Variants in SMG1 observed in about 807,000 individuals in gnomAD.
SMG1 encodes serine/threonine-protein kinase SMG1.
A neutral mutation model predicts 419.9 loss-of-function variants in SMG1; 22 were observed. The ratio of observed to expected loss-of-function variants is 0.05; its 90% CI spans 0.04 to 0.07. The LOEUF (loss-of-function observed/expected upper bound fraction) is 0.07. SMG1 is among the 10% of genes least tolerant of loss of function. The pLI is 1.00. For missense variants in SMG1, 3,185 were observed against 4,342.0 expected, an observed-to-expected ratio of 0.73 and a Z score of 7.49; for synonymous variants, 1,538 against 1,553.5, an observed-to-expected ratio of 0.99 and a Z score of 0.23.
intron 1 of SMG1, among the ~76,000 whole-genome samples, chr16:18,908,203 TA>T (rs2037646858): frequency 6.6e-6 from 1 of 151,446 alleles, no homozygotes; most frequent in South Asian, 2.1e-4. Flanking sequence ...CAGTCTCTAC[TA>T]AAAATACAAA....
At chr16:18,906,463 CAAT>C (rs908622096) in intron 1 of SMG1, among the ~76,000 whole-genome samples, 13 of 151,884 alleles carry the variant, frequency 8.6e-5, no homozygotes, top group African/African-American at 2.7e-4. Context: ...AGAGCCTGGG[CAAT>C]AATAAGAGCG....
rs2291662 is a variant in SMG1 at position 18,811,870 on chromosome 16, A to T, written c.10802-3T>A. 6.2e-7 allele frequency: 1 copy of T among 1,613,638 alleles called. No homozygotes were observed. Among genetic ancestry groups the T allele is most frequent in the Non-Finnish European group, 8.5e-7 (1 of 1,179,772 alleles). On this transcript the variant is annotated splice_region_variant and splice_polypyrimidine_tract_variant and intron_variant, in intron 61 of 62. Transcript: ENST00000446231. ...ATAGGAGTTTCTCTCTTGCACCGCT[A>T]TGAAGCAACAAAAACATACGTAAGT...
chr16:18,838,691 TA>T lies in SMG1; in HGVS notation c.6946-3del, dbSNP rs570893539. The T allele has an allele frequency of 2.2e-4, 350 of 1,577,196 alleles. 2 individuals are homozygous for T. In the African/African-American group the frequency reaches 4.3e-3, roughly 20 times the overall value. On this transcript the variant is annotated splice_polypyrimidine_tract_variant and splice_region_variant and intron_variant, in intron 42 of 62. Transcript: ENST00000446231. The stretch of plus-strand genomic sequence containing the variant: ...GACTGCAGTAGATCTTGCATAAGAC[TA>T]AAGGAAAGGAAATGGGGGCAGCAAG...
chr16:18,872,104 T>C, intron 15 of SMG1, 80 bp downstream of exon 15: 1 of 867,542 alleles, frequency 1.2e-6, no homozygotes, highest in Non-Finnish European at 1.7e-6. Context: ...AAATTTTTTG[T>C]AATCCACATT....
At chr16:18,921,595 C>G (rs1436188958) in intron 1 of SMG1, among the ~76,000 whole-genome samples, 1 of 151,736 alleles carries the variant, frequency 6.6e-6, no homozygotes, top group African/African-American at 2.4e-5. Flanking sequence ...CGGTTTTTGC[C>G]AAAACCGCAA....
Position 18,900,512 on chromosome 16 carries a change from A to G in SMG1, c.93-3556T>C, listed in dbSNP as rs987269001. Among the ~76,000 whole-genome samples, 19 of 152,188 alleles carry G rather than the reference A, an allele frequency of 1.2e-4. 1 individual carries two copies. Among genetic ancestry groups the G allele is most frequent in the Admixed American group, 1.1e-3 (17 of 15,266 alleles). On this transcript the variant is annotated intron_variant, in intron 1 of 62. Coordinates refer to ENST00000446231, the MANE Select transcript of SMG1 (RefSeq NM_015092.5). ...AAAAGAGAGAGAGTGTCATCTCTGG[A>G]AAGTGTGAAGTCAGGGAATTCCCTA...
intron 57 of SMG1, 76 bp downstream of exon 57, chr16:18,817,215 G>C (rs947076552): frequency 3.2e-5 from 41 of 1,277,652 alleles, no homozygotes; most frequent in African/African-American, 6.1e-5. Context: ...AATGTAATCG[G>C]AATGTATATA....
At chr16:18,848,583 G>C (rs911345683) in intron 36 of SMG1, among the ~76,000 whole-genome samples, 3 of 151,828 alleles carry the variant, frequency 2.0e-5, no homozygotes, top group Non-Finnish European at 1.5e-5. Context: ...TGGTATTACA[G>C]GTGCGAGTCA....
At chr16:18,843,955 T>C (rs931005937) in intron 39 of SMG1, among the ~76,000 whole-genome samples, 1 of 152,160 alleles carries the variant, frequency 6.6e-6, no homozygotes, top group Non-Finnish European at 1.5e-5. Flanking sequence ...ATTCTTAATT[T>C]TTAAAATTAT....
intron 49 of SMG1, 149 bp downstream of exon 49, chr16:18,834,742 GT>G (rs2033445275): frequency 1.1e-6 from 1 of 910,716 alleles, no homozygotes. Context: ...GTGAGACCCT[GT>G]CTCAAAACAC....
At chr16:18,853,922 G>A (rs549612853) in intron 30 of SMG1, 55 bp from the exon 31 acceptor site, 173 of 1,479,808 alleles carry the variant, frequency 1.2e-4, no homozygotes, top group Non-Finnish European at 1.5e-4. Flanking sequence ...ATGATGGAGG[G>A]AGGCACTTGG....
At chr16:18,814,012 CTGAG>C (rs1281093204) in intron 60 of SMG1, among the ~76,000 whole-genome samples, 2 of 109,232 alleles carry the variant, frequency 1.8e-5, no homozygotes, top group Admixed American at 2.7e-4. Flanking sequence ...GCCTGGGCGA[CTGAG>C]TGAGACTCAT....
rs777478616 is a variant in SMG1, at chr16:18,811,968, C to T, written c.10781G>A (p.Arg3594Lys). ...ATTACCTTTCCCAGTTTTAGGGTCT[C>T]TGACTGCCTTTTTAGGACTACAAGC... ...SVACSPKKAV[R>K]DPKTGKAVQE... is the part of the protein sequence containing the mutation. Residue 3594 changes from arginine to lysine, a missense_variant, in exon 61 of 63, where the codon AGA (arginine) becomes AAA (lysine). Physicochemically the swap from Arg to Lys is conservative, Grantham distance 26. This residue lies in a region of SMG1 where 737 missense variants were observed against 846.6 expected (regional missense o/e 0.87). Transcript: ENST00000446231. The T allele has an allele frequency of 6.2e-7, 1 of 1,613,912 alleles. No individual in the cohort carries two copies. The highest frequency in any genetic ancestry group is 1.3e-5 in the African/African-American group (1 of 75,050).
At chr16:18,908,004 C>T (rs1452569076) in intron 1 of SMG1, among the ~76,000 whole-genome samples, 2 of 151,974 alleles carry the variant, frequency 1.3e-5, no homozygotes, top group African/African-American at 4.8e-5. Context: ...TCTATGACCT[C>T]TTTAATAGAT....
At position 18,859,218 on chromosome 16, in the gene SMG1, A is replaced by G. The variant is rs936632713; in HGVS notation, c.3954-37T>C. Reference sequence around the variant, plus strand: ...TATTTACTGCCAATTAATAAAAATTACAATTCATAACCACTCAAAGAATAA... The same window carrying G: ...TATTTACTGCCAATTAATAAAAATTGCAATTCATAACCACTCAAAGAATAA... On this transcript the variant is annotated intron_variant, in intron 27 of 62. Coordinates refer to ENST00000446231, the MANE Select transcript of SMG1 (RefSeq NM_015092.5). 6.8e-6 allele frequency: 10 copies of G among 1,470,188 alleles called. No individual in the cohort carries two copies. In the African/African-American group the frequency reaches 7.0e-5, roughly 10 times the overall value. 91.1% of individuals were successfully genotyped at this position (1,470,188 alleles called of 1,614,324 possible).
rs1029003725 is a variant in SMG1, at chr16:18,809,776, G to C, written c.10909-130C>G. The C allele has an allele frequency of 8.0e-6, 5 of 628,658 alleles. No homozygotes were observed. In the East Asian group the frequency reaches 1.1e-4, roughly 14 times the overall value. The allele number at this position is 628,658 out of a possible 1,614,324, so 38.9% of individuals were successfully genotyped here. ...CTCTATACTTACCCTGCTCCTGTAA[G>C]CCCCTTAATTTTCATATAAAATGTA... On this transcript the variant is annotated intron_variant, in intron 62 of 62. Coordinates refer to ENST00000446231, the MANE Select transcript of SMG1 (RefSeq NM_015092.5).
At chr16:18,890,081 T>C (rs1352617374) in intron 5 of SMG1, among the ~76,000 whole-genome samples, 4 of 152,204 alleles carry the variant, frequency 2.6e-5, no homozygotes, top group African/African-American at 4.8e-5. Context: ...AAATTTTGGG[T>C]ACTTGCCAAC....
intron 1 of SMG1, among the ~76,000 whole-genome samples, chr16:18,924,151 G>A (rs372674563): frequency 6.6e-6 from 1 of 152,286 alleles, no homozygotes; most frequent in East Asian, 1.9e-4. Flanking sequence ...AAGCTTTCTT[G>A]TAAGCTCCTC....
In SMG1 at chr16:18,884,128, A is replaced by C; in HGVS notation, c.1061T>G (p.Leu354Arg). ...QSLEPFWVAD[L>R]AFSTTLLGQF... ...ACCAAGAAGAGTAGTAGAAAATGCA[A>C]GATCAGCTACCCAAAATGGCTCCAA... The change falls in exon 9 of 63, where the codon CTT (leucine) becomes CGT (arginine). Residue 354 changes from leucine to arginine, a missense_variant. Physicochemically the swap from Leu to Arg is moderately radical, Grantham distance 102. Around this residue, in one of 27 missense-constraint regions of SMG1, gnomAD observed 27 missense variants for 59.4 expected, o/e 0.45. Coordinates refer to ENST00000446231, the MANE Select transcript of SMG1 (RefSeq NM_015092.5). 2 of 1,607,278 alleles carry C rather than the reference A, an allele frequency of 1.2e-6. No individual in the cohort carries two copies. Among genetic ancestry groups the C allele is most frequent in the Non-Finnish European group, 1.7e-6 (2 of 1,175,668 alleles).
Sources: allele counts gnomAD v4.1 joint callset (sites outside exome capture counted in the v4.1 genomes callset), GRCh38; gene constraint gnomAD v4.1.1; regional missense constraint gnomAD v4.1.1; transcripts MANE v1.5; gene names NCBI Gene and HGNC (gene_info 2026-07-23, HGNC 2026-07-21).